Variants in MYO5A observed in about 807,000 individuals in gnomAD.
The protein encoded by MYO5A is myosin VA.
MYO5A carries 98 observed loss-of-function variants against 249.7 expected under a neutral mutation model. The ratio of observed to expected loss-of-function variants is 0.39; its 90% CI spans 0.33 to 0.46. MYO5A has a LOEUF of 0.46. MYO5A is among the 20% of genes least tolerant of loss of function. MYO5A has a pLI of 0.98. For missense variants in MYO5A, 1,696 were observed against 2,308.8 expected (o/e 0.73, Z 5.44); for synonymous variants, 778 against 810.6 (o/e 0.96, Z 0.68).
At chr15:52,425,218 T>C (rs1029457195) in intron 4 of MYO5A, among the ~76,000 whole-genome samples, 2 of 152,236 alleles carry the variant, frequency 1.3e-5, no homozygotes, top group African/African-American at 4.8e-5. Flanking sequence ...GTAGGTCATT[T>C]AATACCACTA....
At chr15:52,509,367 T>A (rs1252341230) in intron 1 of MYO5A, among the ~76,000 whole-genome samples, 2 of 152,208 alleles carry the variant, frequency 1.3e-5, no homozygotes, top group Non-Finnish European at 2.9e-5. Flanking sequence ...TTCCTACTTG[T>A]CTCTCTACCT....
chr15:52,472,349 G>C (rs1048206211), intron 1 of MYO5A, among the ~76,000 whole-genome samples: 1 of 152,112 alleles, frequency 6.6e-6, no homozygotes, highest in Non-Finnish European at 1.5e-5. Flanking sequence ...AAAGTGCTGG[G>C]ATTACAGGCT....
Position 52,313,346 on chromosome 15 carries a change from T to C in MYO5A, c.*350A>G. 3.2e-6 allele frequency: 1 copy of C among 314,474 alleles called. No individual in the cohort carries two copies. Among genetic ancestry groups the C allele is most frequent in the Non-Finnish European group, 6.1e-6 (1 of 162,688 alleles). The allele number at this position is 314,474 out of a possible 1,614,324, so 19.5% of individuals were successfully genotyped here. ...GCTCATCTATGGAAGTTATACTTTT[T>C]ATACCATTCAAACTCAGTGCTAAGG... is the stretch of plus-strand genomic sequence containing the variant. On this transcript the variant is annotated 3_prime_UTR_variant, in exon 42 of 42. Transcript: ENST00000399233.
intron 13 of MYO5A, among the ~76,000 whole-genome samples, chr15:52,388,759 AC>A (rs1045740678): frequency 1.3e-5 from 2 of 152,142 alleles, no homozygotes; most frequent in African/African-American, 4.8e-5. Context: ...CTATTCTGAA[AC>A]CCTTGAGATC....
At chr15:52,382,383 C>T (rs953426265) in intron 16 of MYO5A, among the ~76,000 whole-genome samples, 3 of 151,990 alleles carry the variant, frequency 2.0e-5, no homozygotes, top group Admixed American at 6.6e-5. Flanking sequence ...ACCAGCCTGG[C>T]CAAGATGATG....
intron 5 of MYO5A, among the ~76,000 whole-genome samples, chr15:52,413,657 CT>C (rs1344911071): frequency 6.6e-6 from 1 of 152,156 alleles, no homozygotes. Flanking sequence ...AGACTACATA[CT>C]CAATATTTTA....
At chr15:52,393,608 CAG>C (rs1567083646) in intron 11 of MYO5A, among the ~76,000 whole-genome samples, 9 of 152,106 alleles carry the variant, frequency 5.9e-5, no homozygotes, top group Admixed American at 2.0e-4. Context: ...TTAGCCAGGA[CAG>C]TCTCGATCTC....
chr15:52,447,007 G>A lies in MYO5A; in HGVS notation c.28-13722C>T, dbSNP rs143632994. ...TTGGATTTGGACTTCTGAGTTAATA[G>A]TAGAATGAGTCAAGGCTTTGGGGGA... On this transcript the variant is annotated intron_variant, in intron 1 of 41. Coordinates refer to ENST00000399233, the MANE Select transcript of MYO5A (RefSeq NM_001382347.1). 7.9e-5 allele frequency among the ~76,000 whole-genome samples: 12 copies of A among 152,320 alleles called. No individual in the cohort carries two copies. In the East Asian group the frequency reaches 2.3e-3, roughly 29 times the overall value.
At position 52,313,635 on chromosome 15, in the gene MYO5A, A is replaced by C. The variant is rs1479720234; in HGVS notation, c.*61T>G. On this transcript the variant is annotated 3_prime_UTR_variant, in exon 42 of 42. Coordinates refer to ENST00000399233, the MANE Select transcript of MYO5A (RefSeq NM_001382347.1). Reference sequence around the variant, plus strand: ...AAATGTATTTTCAGTAACTCACTGGAAATAATGGGTTCTTATTTCGGGCAA... The same window carrying C: ...AAATGTATTTTCAGTAACTCACTGGCAATAATGGGTTCTTATTTCGGGCAA... The C allele has an allele frequency of 2.5e-6, 4 of 1,587,486 alleles. No individual in the cohort carries two copies. The highest frequency in any genetic ancestry group is 3.5e-6 in the Non-Finnish European group (4 of 1,156,714).
Position 52,410,376 on chromosome 15 carries a change from T to A in MYO5A, c.713A>T (p.Asn238Ile). ...TTTCTCTAAAAGATAAGTTCTCATA[T>A]TGGCACCAATGATTCGATATCTCTT... ...FDKRYRIIGA[N>I]MRTYLLEKSR... The change falls in exon 6 of 42, where the codon AAT (asparagine) becomes ATT (isoleucine). Residue 238 changes from asparagine to isoleucine, a missense_variant. Asn to Ile is a moderately radical substitution (Grantham distance 149, BLOSUM62 -3). Transcript: ENST00000399233. The A allele has an allele frequency of 6.2e-7, 1 of 1,613,946 alleles. No individual in the cohort carries two copies. Among genetic ancestry groups the A allele is most frequent in the Non-Finnish European group, 8.5e-7 (1 of 1,179,828 alleles).
chr15:52,365,671 G>A (rs146202692), intron 23 of MYO5A, among the ~76,000 whole-genome samples: 12 of 152,260 alleles, frequency 7.9e-5, no homozygotes, highest in African/African-American at 2.6e-4. Flanking sequence ...CCACCACAGT[G>A]CTTCCCTAGA....
rs141840540 is a variant in MYO5A, at chr15:52,330,876, A to T, written c.4409-377T>A. ...AAATGGTTAAACATATTTTGACTTTAATTCACAGGAGGAACAATCAATATC... is the reference window on the plus strand; with the variant it reads ...AAATGGTTAAACATATTTTGACTTTTATTCACAGGAGGAACAATCAATATC... On this transcript the variant is annotated intron_variant, in intron 34 of 41. Coordinates refer to ENST00000399233, the MANE Select transcript of MYO5A (RefSeq NM_001382347.1). Among the ~76,000 whole-genome samples, 407 of 152,356 alleles carry T rather than the reference A, an allele frequency of 2.7e-3. 2 individuals are homozygous for T. The highest frequency in any genetic ancestry group is 9.5e-3 in the African/African-American group (396 of 41,590).
At chr15:52,505,765 G>C in intron 1 of MYO5A, 2 of 1,535,860 alleles carry the variant, frequency 1.3e-6, no homozygotes, top group Non-Finnish European at 8.9e-7. Context: ...GTGTGTAGTT[G>C]AGGATGATAA....
intron 1 of MYO5A, among the ~76,000 whole-genome samples, chr15:52,521,940 T>C (rs866528777): frequency 6.6e-6 from 1 of 152,186 alleles, no homozygotes; most frequent in Non-Finnish European, 1.5e-5. Context: ...ACATCATTAA[T>C]AAAGGCAAAG....
chr15:52,359,866 C>T (rs758323199), intron 25 of MYO5A, 102 bp downstream of exon 25: 49 of 808,442 alleles, frequency 6.1e-5, no homozygotes, highest in Non-Finnish European at 8.8e-5. Flanking sequence ...CAAACAAATA[C>T]TATGTTTATG....
Position 52,415,978 on chromosome 15 carries a change from C to T in MYO5A, c.612+167G>A, listed in dbSNP as rs2043463701. 4 of 814,192 alleles carry T rather than the reference C, an allele frequency of 4.9e-6. No individual in the cohort carries two copies. In the East Asian group the frequency reaches 8.1e-5, roughly 16 times the overall value. 50.4% of individuals were successfully genotyped at this position (814,192 alleles called of 1,614,324 possible). A position where few individuals can be genotyped will look rare whatever the true frequency, so the allele number is the denominator to read the frequency against. On this transcript the variant is annotated intron_variant, in intron 5 of 41. Transcript: ENST00000399233. ...GCTTTACTAAAAATGTCTACCTTAC[C>T]AAGTTTTTACTTTCCCTAGATTTTT...
At chr15:52,387,757 A>C in intron 14 of MYO5A, 72 bp downstream of exon 14, 2 of 1,212,152 alleles carry the variant, frequency 1.6e-6, no homozygotes, top group Non-Finnish European at 2.4e-6. Flanking sequence ...TTTGTTAAAA[A>C]AATCATTTTT....
chr15:52,320,148 C>A (rs1596277246), intron 38 of MYO5A, among the ~76,000 whole-genome samples: 1 of 152,316 alleles, frequency 6.6e-6, no homozygotes, highest in East Asian at 1.9e-4. Flanking sequence ...GGGCTGACCT[C>A]CATCTCCCAG....
intron 1 of MYO5A, among the ~76,000 whole-genome samples, chr15:52,447,014 G>C (rs1354131452): frequency 6.6e-6 from 1 of 152,176 alleles, no homozygotes; most frequent in African/African-American, 2.4e-5. Context: ...ATAGTAGAAT[G>C]AGTCAAGGCT....
Sources: allele counts gnomAD v4.1 joint callset (sites outside exome capture counted in the v4.1 genomes callset), GRCh38; gene constraint gnomAD v4.1.1; transcripts MANE v1.5; gene names NCBI Gene and HGNC (gene_info 2026-07-23, HGNC 2026-07-21).